The following SLC16A2 variants were observed in gnomAD, a reference collection of about 807,000 sequenced individuals.
SLC16A2 encodes monocarboxylate transporter 8.
Under a neutral mutation model 27.2 loss-of-function variants are expected in SLC16A2, and 3 were observed. The observed-to-expected ratio is 0.11, with a 90% CI of 0.05 to 0.28. The LOEUF is 0.28. Among genes scored for constraint, SLC16A2 ranks in the 10% least tolerant of loss-of-function variants. SLC16A2 has a pLI of 1.00. For synonymous variants in SLC16A2, 202 were observed against 187.8 expected, an observed-to-expected ratio of 1.08 and a Z score of -0.62; for missense variants, 295 against 458.5, an observed-to-expected ratio of 0.64 and a Z score of 3.26.
At chrX:74,493,765 A>G (rs767669084) in intron 1 of SLC16A2, among the ~76,000 whole-genome samples, 1 of 111,706 alleles carries the variant, frequency 9.0e-6, no homozygotes, top group Admixed American at 9.5e-5. Flanking sequence ...TGACCTTCAC[A>G]GGAGGTGCAG....
intron 1 of SLC16A2, among the ~76,000 whole-genome samples, chrX:74,464,187 G>A (rs898094700): frequency 4.5e-5 from 5 of 111,869 alleles, no homozygotes; most frequent in African/African-American, 1.6e-4. Context: ...ACCTGTTGAT[G>A]GGCAGTTGGG....
At chrX:74,501,282 T>A (rs977553738) in intron 1 of SLC16A2, among the ~76,000 whole-genome samples, 3 of 111,254 alleles carry the variant, frequency 2.7e-5, no homozygotes, top group Non-Finnish European at 5.7e-5. Flanking sequence ...TATTATTCTT[T>A]AGTGTCGACC....
intron 1 of SLC16A2, among the ~76,000 whole-genome samples, chrX:74,519,671 G>C (rs1350665942): frequency 1.0e-5 from 1 of 95,468 alleles, no homozygotes; most frequent in Non-Finnish European, 2.1e-5. Flanking sequence ...AGGCAAGATC[G>C]GGCCATTGCA....
chrX:74,518,193 C>T (rs1229634941), intron 1 of SLC16A2, among the ~76,000 whole-genome samples: 1 of 112,483 alleles, frequency 8.9e-6, no homozygotes, highest in Non-Finnish European at 1.9e-5. Context: ...TCACAGGAGG[C>T]TGCCAAACTG....
Position 74,425,910 on chromosome X carries a change from T to C in SLC16A2, c.430+3843T>C, listed in dbSNP as rs968089746. On this transcript the variant is annotated intron_variant, in intron 1 of 5. Coordinates refer to ENST00000587091, the MANE Select transcript of SLC16A2 (RefSeq NM_006517.5). ...AGGGGGGTCAAGGCTGAGGCTCTCA[T>C]CACCAGAGAAAGGGACAATGGTCAG... 1.2e-4 allele frequency among the ~76,000 whole-genome samples: 13 copies of C among 111,781 alleles called. 1 individual carries two copies. Among genetic ancestry groups the C allele is most frequent in the Non-Finnish European group, 7.5e-5 (4 of 53,138 alleles).
At chrX:74,476,814 C>T (rs1929490941) in intron 1 of SLC16A2, 1 of 111,643 alleles carries the variant, frequency 9.0e-6, no homozygotes, top group Non-Finnish European at 1.9e-5. Flanking sequence ...AGCCTTGCAT[C>T]CCAGGGATGA....
chrX:74,432,735 T>C (rs1452975263), intron 1 of SLC16A2, among the ~76,000 whole-genome samples: 2 of 111,714 alleles, frequency 1.8e-5, no homozygotes, highest in Non-Finnish European at 3.8e-5. Context: ...AGAGCTTGGT[T>C]TGTCAGAGGA....
At chrX:74,528,752 C>T (rs1930521234) in intron 4 of SLC16A2, among the ~76,000 whole-genome samples, 1 of 112,125 alleles carries the variant, frequency 8.9e-6, no homozygotes, top group Non-Finnish European at 1.9e-5. Flanking sequence ...GTGCCTTCCA[C>T]TTACAACCCC....
chrX:74,473,825 G>A, intron 1 of SLC16A2: 4 of 529,446 alleles, frequency 7.6e-6, no homozygotes, highest in Middle Eastern at 1.1e-3. Context: ...CACACAGTCT[G>A]TGAGCATTCC....
At chrX:74,473,655 G>C (rs1362978845) in intron 1 of SLC16A2, 1 of 1,066,938 alleles carries the variant, frequency 9.4e-7, no homozygotes, top group Admixed American at 2.2e-5. Flanking sequence ...TGGGCACCTG[G>C]TCTTTGAGAA....
rs745820882 is a variant in SLC16A2, at chrX:74,495,717, C to A, written c.431-25273C>A. Among the ~76,000 whole-genome samples the A allele has an allele frequency of 3.6e-5, 4 of 110,985 alleles. No individual in the cohort carries two copies. The South Asian group carries it at 1.6e-3, about 43-fold the overall frequency. On this transcript the variant is annotated intron_variant, in intron 1 of 5. Coordinates refer to ENST00000587091, the MANE Select transcript of SLC16A2 (RefSeq NM_006517.5). ...CCAGGAAAAGGAGACCCATACATTC[C>A]TTGGTAAATGGTTTCTGGTCTTAAT...
intron 1 of SLC16A2, among the ~76,000 whole-genome samples, chrX:74,489,134 C>A (rs1929777093): frequency 2.7e-5 from 3 of 111,864 alleles, no homozygotes; most frequent in African/African-American, 9.7e-5. Flanking sequence ...TCCCGGTTAA[C>A]CATTTTGATA....
chrX:74,480,658 A>C (rs1282823683), intron 1 of SLC16A2, among the ~76,000 whole-genome samples: 2 of 112,653 alleles, frequency 1.8e-5, no homozygotes, highest in African/African-American at 3.2e-5. Context: ...TTTCTATATA[A>C]AAGATCATGT....
chrX:74,457,748 C>T (rs1054207138), intron 1 of SLC16A2, among the ~76,000 whole-genome samples: 9 of 110,244 alleles, frequency 8.2e-5, no homozygotes, highest in Non-Finnish European at 1.3e-4. Flanking sequence ...TAGAACCACC[C>T]GCCAGCCTCC....
Position 74,446,974 on chromosome X carries a change from C to T in SLC16A2, c.430+24907C>T, listed in dbSNP as rs914170746. Among the ~76,000 whole-genome samples, 15 of 112,314 alleles carry T rather than the reference C, an allele frequency of 1.3e-4. No individual in the cohort carries two copies. The Admixed American group carries it at 1.4e-3, about 11-fold the overall frequency. ...CTAAGCCTTTAGGTTCAACCTCCTGCCTCCAGCCATGCCAGACAGATGAAG... is the reference window on the plus strand; with the variant it reads ...CTAAGCCTTTAGGTTCAACCTCCTGTCTCCAGCCATGCCAGACAGATGAAG... On this transcript the variant is annotated intron_variant, in intron 1 of 5. Transcript: ENST00000587091.
intron 1 of SLC16A2, among the ~76,000 whole-genome samples, chrX:74,423,215 C>T (rs186968412): frequency 4.5e-5 from 5 of 112,282 alleles, no homozygotes; most frequent in Non-Finnish European, 9.4e-5. Context: ...TGCTCCCTCT[C>T]GTGGCTCCTC....
At chrX:74,491,499 A>G (rs985773824) in intron 1 of SLC16A2, among the ~76,000 whole-genome samples, 1 of 111,992 alleles carries the variant, frequency 8.9e-6, no homozygotes, top group African/African-American at 3.2e-5. Flanking sequence ...GAGAGAATAC[A>G]TTGTAAATGT....
chrX:74,473,042 A>C, intron 1 of SLC16A2: 1 of 516,587 alleles, frequency 1.9e-6, no homozygotes, highest in Non-Finnish European at 3.5e-6. Flanking sequence ...TGCCACAGCT[A>C]CTGCTACTAC....
chrX:74,444,311 A>G (rs1417708004), intron 1 of SLC16A2, among the ~76,000 whole-genome samples: 4 of 111,058 alleles, frequency 3.6e-5, no homozygotes, highest in Non-Finnish European at 7.6e-5. Context: ...TACCCTTGTT[A>G]TTTGTTACAG....
Sources: allele counts gnomAD v4.1 joint callset (sites outside exome capture counted in the v4.1 genomes callset), GRCh38; gene constraint gnomAD v4.1.1; transcripts MANE v1.5; gene names NCBI Gene and HGNC (gene_info 2026-07-23, HGNC 2026-07-21).